CD96: variants seen among roughly 807,000 people sequenced by gnomAD.
The protein encoded by CD96 is CD96 molecule.
A neutral mutation model predicts 71.3 loss-of-function variants in CD96; 70 were observed. The ratio of observed to expected loss-of-function variants is 0.98; its 90% CI spans 0.81 to 1.20. The LOEUF is 1.20. Among genes scored for constraint, CD96 ranks in the 50% most tolerant of loss-of-function variants. CD96 has a pLI of 0.00. For synonymous variants in CD96, 248 were observed against 233.0 expected, an observed-to-expected ratio of 1.06 and a Z score of -0.59; for missense variants, 742 against 677.5, an observed-to-expected ratio of 1.10 and a Z score of -1.06.
intron 14 of CD96, chr3:111,665,403 G>C (rs1308186209): frequency 6.6e-6 from 1 of 152,032 alleles, no homozygotes; most frequent in Non-Finnish European, 1.5e-5. Context: ...TTGGCGTGGG[G>C]GGCAGGATTC....
At chr3:111,575,119 G>A (rs1283744533) in intron 3 of CD96, among the ~76,000 whole-genome samples, 1 of 152,094 alleles carries the variant, frequency 6.6e-6, no homozygotes, top group African/African-American at 2.4e-5. Flanking sequence ...AGTAGGAAAG[G>A]CTAAGACTGT....
intron 3 of CD96, among the ~76,000 whole-genome samples, chr3:111,573,209 A>G (rs1024255915): frequency 6.6e-6 from 1 of 152,190 alleles, no homozygotes; most frequent in Non-Finnish European, 1.5e-5. Flanking sequence ...TTATTCTGGA[A>G]GCTTCTAAAT....
intron 5 of CD96, among the ~76,000 whole-genome samples, chr3:111,595,760 A>T (rs573040294): frequency 6.6e-6 from 1 of 151,642 alleles, no homozygotes; most frequent in Non-Finnish European, 1.5e-5. Context: ...ATGTGTGTGT[A>T]TACATATTTA....
At chr3:111,588,209 G>T (rs1169065415) in intron 5 of CD96, among the ~76,000 whole-genome samples, 2 of 152,102 alleles carry the variant, frequency 1.3e-5, no homozygotes, top group Non-Finnish European at 2.9e-5. Context: ...ATGCTTTGCT[G>T]CTTAGAAATT....
At chr3:111,661,816 T>C (rs193035041) in intron 14 of CD96, among the ~76,000 whole-genome samples, 19 of 152,346 alleles carry the variant, frequency 1.2e-4, no homozygotes, top group Non-Finnish European at 2.4e-4. Flanking sequence ...TTTTTCTAGG[T>C]GCATGGTGAG....
In CD96 at chr3:111,637,229, C is replaced by T. The variant is rs749352877; in HGVS notation, c.1355C>T (p.Ser452Leu). ...CGGATACCTAGTGAAACATACAGTT[C>T]ATCCCCGTCAGGTGCAGGCTCAACA... ...VSRIPSETYS[S>L]SPSGAGSTLH... Residue 452 changes from serine to leucine, a missense_variant, in exon 11 of 14, where the codon TCA (serine) becomes TTA (leucine). Ser to Leu is a moderately radical substitution (Grantham distance 145, BLOSUM62 -2). Coordinates refer to ENST00000352690, the MANE Select transcript of CD96 (RefSeq NM_005816.5). 4.4e-6 allele frequency: 7 copies of T among 1,592,764 alleles called. No homozygotes were observed. Among genetic ancestry groups the T allele is most frequent in the Non-Finnish European group, 6.0e-6 (7 of 1,160,546 alleles).
At chr3:111,605,719 G>A (rs1937605044) in intron 7 of CD96, among the ~76,000 whole-genome samples, 2 of 152,140 alleles carry the variant, frequency 1.3e-5, no homozygotes, top group Admixed American at 1.3e-4. Context: ...GAACATACAT[G>A]CATCTAGCTT....
At chr3:111,645,830 A>G (rs906370659) in intron 12 of CD96, among the ~76,000 whole-genome samples, 3 of 152,180 alleles carry the variant, frequency 2.0e-5, no homozygotes, top group African/African-American at 7.2e-5. Flanking sequence ...AAGACCTCGA[A>G]TCCCTGGATG....
intron 7 of CD96, among the ~76,000 whole-genome samples, chr3:111,606,013 A>T (rs1937613343): frequency 6.6e-6 from 1 of 152,176 alleles, no homozygotes; most frequent in Non-Finnish European, 1.5e-5. Context: ...TGTCCTTCCA[A>T]TAGGACTATT....
At chr3:111,583,302 G>T (rs1009623802) in intron 4 of CD96, among the ~76,000 whole-genome samples, 5 of 152,208 alleles carry the variant, frequency 3.3e-5, no homozygotes, top group Admixed American at 2.6e-4. Flanking sequence ...TGTCCCTGTG[G>T]CTTTACAGGG....
At chr3:111,580,370 A>G (rs575673566) in intron 4 of CD96, among the ~76,000 whole-genome samples, 19 of 152,204 alleles carry the variant, frequency 1.2e-4, no homozygotes, top group Non-Finnish European at 2.4e-4. Context: ...CTGCCTTTGG[A>G]TGTTTTTTTC....
intron 2 of CD96, among the ~76,000 whole-genome samples, chr3:111,565,446 T>A (rs1935662190): frequency 6.6e-6 from 1 of 152,162 alleles, no homozygotes; most frequent in Admixed American, 6.6e-5. Context: ...AATGTAATAC[T>A]TATGTATTTG....
chr3:111,598,000 A>G, intron 5 of CD96, 120 bp from the exon 6 acceptor site: 3 of 721,114 alleles, frequency 4.2e-6, no homozygotes, highest in South Asian at 1.5e-5. Flanking sequence ...ATTGCCTTCT[A>G]TTTATTCAGT....
chr3:111,634,709 C>G (rs1048808326), intron 10 of CD96: 5 of 152,094 alleles, frequency 3.3e-5, no homozygotes, highest in African/African-American at 1.2e-4. Flanking sequence ...CCAGCCTGAC[C>G]AGAGTGGAGA....
chr3:111,657,811 C>A (rs1383874617), intron 14 of CD96, among the ~76,000 whole-genome samples: 1 of 151,926 alleles, frequency 6.6e-6, no homozygotes, highest in Non-Finnish European at 1.5e-5. Context: ...CATGTGTATG[C>A]GCATGAAGGT....
intron 6 of CD96, among the ~76,000 whole-genome samples, chr3:111,598,476 G>T (rs1450182197): frequency 6.6e-6 from 1 of 152,140 alleles, no homozygotes; most frequent in Non-Finnish European, 1.5e-5. Flanking sequence ...GCAGTAAAAG[G>T]AATATCTTAA....
At chr3:111,657,213 T>A (rs1480353858), downstream of CD96, among the ~76,000 whole-genome samples, 1 of 151,522 alleles carries the variant, frequency 6.6e-6, no homozygotes. Context: ...AAGTCAGGAG[T>A]TTGAGACCAG....
At chr3:111,587,400 G>A (rs1936765162) in intron 5 of CD96, among the ~76,000 whole-genome samples, 1 of 152,006 alleles carries the variant, frequency 6.6e-6, no homozygotes, top group Admixed American at 6.5e-5. Flanking sequence ...GTCCCATTAG[G>A]GACACAAGCT....
At chr3:111,600,669 T>C in intron 6 of CD96, 57 bp from the exon 7 acceptor site, 1 of 1,292,226 alleles carries the variant, frequency 7.7e-7, no homozygotes, top group South Asian at 1.2e-5. Flanking sequence ...CTTGGCATTA[T>C]TGTATGGCTC....
Sources: allele counts gnomAD v4.1 joint callset (sites outside exome capture counted in the v4.1 genomes callset), GRCh38; gene constraint gnomAD v4.1.1; transcripts MANE v1.5; gene names NCBI Gene and HGNC (gene_info 2026-07-23, HGNC 2026-07-21).